The following DISC1 variants were observed in gnomAD, a reference collection of about 807,000 sequenced individuals.
The protein encoded by DISC1 is disrupted in schizophrenia 1 protein.
Under a neutral mutation model 84.5 loss-of-function variants are expected in DISC1, and 57 were observed. The observed-to-expected ratio is 0.67, with a 90% CI of 0.55 to 0.84. The LOEUF (loss-of-function observed/expected upper bound fraction) is 0.84. DISC1 is among the 40% of genes least tolerant of loss of function. The pLI is 0.00. For missense variants in DISC1, 1,000 were observed against 1,057.8 expected, an observed-to-expected ratio of 0.95 and a Z score of 0.76; for synonymous variants, 411 against 415.2, an observed-to-expected ratio of 0.99 and a Z score of 0.12.
chr1:231,795,153 G>T (rs41271515), intron 6 of DISC1, 89 bp from the exon 7 acceptor site: 1 of 1,280,254 alleles, frequency 7.8e-7, no homozygotes, highest in Middle Eastern at 1.8e-4. Flanking sequence ...CAGACCAGTG[G>T]AAGGTTCACT....
chr1:231,959,000 A>G, intron 10 of DISC1, 112 bp downstream of exon 10: 1 of 1,463,880 alleles, frequency 6.8e-7, no homozygotes. Flanking sequence ...TAATAAATTA[A>G]CAAAGAAAGA....
intron 1 of DISC1, among the ~76,000 whole-genome samples, chr1:231,642,224 C>G (rs947951778): frequency 1.1e-4 from 16 of 152,220 alleles, no homozygotes; most frequent in Non-Finnish European, 2.1e-4. Context: ...AGCCCATGCT[C>G]ACCCGGAACT....
At chr1:231,787,163 T>A (rs2077940601) in intron 6 of DISC1, among the ~76,000 whole-genome samples, 1 of 152,188 alleles carries the variant, frequency 6.6e-6, no homozygotes, top group Admixed American at 6.5e-5. Context: ...TAAATAGTTG[T>A]TAGTTGCTGT....
chr1:231,759,382 ATAC>A (rs2075422768), intron 4 of DISC1, among the ~76,000 whole-genome samples: 1 of 152,020 alleles, frequency 6.6e-6, no homozygotes, highest in Non-Finnish European at 1.5e-5. Flanking sequence ...GATGGCTATG[ATAC>A]AACATGAAAA....
chr1:231,640,336 T>TG (rs1386570656), intron 1 of DISC1, among the ~76,000 whole-genome samples: 2 of 152,166 alleles, frequency 1.3e-5, no homozygotes, highest in Non-Finnish European at 2.9e-5. Flanking sequence ...GAAGAACAGA[T>TG]GAACATAAGA....
rs960797870 is a variant in DISC1 at position 231,626,800 on chromosome 1, C to G, written c.-68C>G. 12 of 1,208,028 alleles carry G rather than the reference C, an allele frequency of 9.9e-6. No homozygotes were observed. Among genetic ancestry groups the G allele is most frequent in the Non-Finnish European group, 1.2e-5 (11 of 921,182 alleles). 74.8% of individuals were successfully genotyped at this position (1,208,028 alleles called of 1,614,324 possible). ...GTCCAGCGCGCTGCTCCCTTCCCCCCGCCTCTGGCCTCGGGGAAGGAGCAG... is the reference window on the plus strand; with the variant it reads ...GTCCAGCGCGCTGCTCCCTTCCCCCGGCCTCTGGCCTCGGGGAAGGAGCAG... On this transcript the variant is annotated 5_prime_UTR_variant, in exon 1 of 13. Transcript: ENST00000439617.
intron 9 of DISC1, among the ~76,000 whole-genome samples, chr1:231,923,306 C>CAA (rs1558738260): frequency 1.6e-4 from 17 of 109,440 alleles, no homozygotes; most frequent in Admixed American, 2.8e-4. Context: ...ACAAAAAAAA[C>CAA]CAAAAAAAAA....
At chr1:231,812,539 T>C (rs536305935) in intron 8 of DISC1, among the ~76,000 whole-genome samples, 2 of 152,202 alleles carry the variant, frequency 1.3e-5, no homozygotes, top group Non-Finnish European at 2.9e-5. Context: ...TCTAGCTGAA[T>C]TTTAAATTGT....
intron 1 of DISC1, among the ~76,000 whole-genome samples, chr1:231,661,570 G>A (rs549616955): frequency 2.6e-5 from 4 of 152,134 alleles, no homozygotes; most frequent in Non-Finnish European, 2.9e-5. Flanking sequence ...TGAGGTTCTC[G>A]TGTTGTGTGT....
chr1:231,979,306 C>A (rs769441143), intron 10 of DISC1, among the ~76,000 whole-genome samples: 1 of 151,440 alleles, frequency 6.6e-6, no homozygotes, highest in Non-Finnish European at 1.5e-5. Context: ...TTTGAATCAC[C>A]CCGAAACCAT....
chr1:231,952,090 C>CAA lies in DISC1; in HGVS notation c.1982-6716_1982-6715dup, dbSNP rs11392611. 9.2e-3 allele frequency among the ~76,000 whole-genome samples: 488 copies of CAA among 53,328 alleles called. 4 individuals carry two copies. The highest frequency in any genetic ancestry group is 0.012 in the Non-Finnish European group (303 of 25,860). The allele number at this position is 53,328 out of a possible 152,430, so 35.0% of individuals were successfully genotyped here. On this transcript the variant is annotated intron_variant, in intron 9 of 12. Transcript: ENST00000439617. ...AGAGCAAGACCTTGTCTCAATGTCT[C>CAA]AAAAAAAAAAAAAAAAAAAAAAAGA...
At chr1:231,834,917 C>T (rs182911470) in intron 9 of DISC1, among the ~76,000 whole-genome samples, 65 of 152,312 alleles carry the variant, frequency 4.3e-4, no homozygotes, top group African/African-American at 1.5e-3. Flanking sequence ...TTCCCGAGTC[C>T]GTGAACAGCG....
intron 8 of DISC1, 123 bp from the exon 9 acceptor site, chr1:231,818,206 A>G (rs2081220793): frequency 9.9e-7 from 1 of 1,013,852 alleles, no homozygotes; most frequent in Admixed American, 1.7e-5. Flanking sequence ...GAAATTGTAC[A>G]TAATCTCAAA....
At chr1:231,917,405 T>C (rs1187752064) in intron 9 of DISC1, among the ~76,000 whole-genome samples, 1 of 152,248 alleles carries the variant, frequency 6.6e-6, no homozygotes, top group Non-Finnish European at 1.5e-5. Flanking sequence ...TTGAATAATA[T>C]GAAGCGAAGC....
intron 9 of DISC1, among the ~76,000 whole-genome samples, chr1:231,927,457 G>T (rs887434156): frequency 6.6e-6 from 1 of 152,162 alleles, no homozygotes. Flanking sequence ...TTCTGCCTTG[G>T]TAATGTGTAC....
intron 9 of DISC1, among the ~76,000 whole-genome samples, chr1:231,876,947 C>G (rs533595964): frequency 4.8e-4 from 73 of 152,268 alleles, no homozygotes; most frequent in African/African-American, 1.7e-3. Flanking sequence ...CTAAATGGTT[C>G]CACCTGGGTG....
At chr1:231,714,606 AAG>A (rs917371546) in intron 3 of DISC1, among the ~76,000 whole-genome samples, 13 of 151,760 alleles carry the variant, frequency 8.6e-5, no homozygotes, top group African/African-American at 3.1e-4. Flanking sequence ...AGAAAGAGAG[AAG>A]AGAGAGAAAC....
chr1:231,942,293 G>A (rs1234283717), intron 9 of DISC1, among the ~76,000 whole-genome samples: 1 of 152,186 alleles, frequency 6.6e-6, no homozygotes, highest in African/African-American at 2.4e-5. Context: ...CCCTGTAGAA[G>A]ACAGCAGTCA....
chr1:231,669,720 A>G (rs1179491009), intron 1 of DISC1, among the ~76,000 whole-genome samples: 1 of 152,250 alleles, frequency 6.6e-6, no homozygotes, highest in East Asian at 1.9e-4. Context: ...AAGTAAAAGA[A>G]TAACAGATAC....
Sources: gnomAD v4.1 joint callset for allele counts (sites outside exome capture counted in the v4.1 genomes callset) on GRCh38, gnomAD v4.1.1 for gene constraint, MANE v1.5 for transcripts, NCBI Gene and HGNC (gene_info 2026-07-23, HGNC 2026-07-21) for gene names.